Variants in COL24A1 observed in about 807,000 individuals in gnomAD.
The protein encoded by COL24A1 is collagen alpha-1(XXIV) chain.
A neutral mutation model predicts 253.9 loss-of-function variants in COL24A1; 224 were observed. The ratio of observed to expected loss-of-function variants is 0.88; its 90% confidence interval spans 0.79 to 0.99. The LOEUF is 0.99. Ranked by LOEUF, COL24A1 falls within the 50% of genes least tolerant of loss-of-function variation. The pLI is 0.00. For missense variants in COL24A1, 2,131 were observed against 2,068.5 expected (o/e 1.03, Z -0.59); for synonymous variants, 685 against 673.7 (o/e 1.02, Z -0.26).
intron 37 of COL24A1, among the ~76,000 whole-genome samples, chr1:85,860,578 A>G (rs996109834): frequency 3.2e-4 from 49 of 152,282 alleles, no homozygotes; most frequent in African/African-American, 1.1e-3. Flanking sequence ...CATCTCTACT[A>G]AAAATACAAA....
chr1:85,747,720 C>A (rs1471458012), intron 55 of COL24A1, among the ~76,000 whole-genome samples: 1 of 152,048 alleles, frequency 6.6e-6, no homozygotes, highest in East Asian at 1.9e-4. Flanking sequence ...GTATTTAAGT[C>A]GTGTTTTTCA....
intron 7 of COL24A1, among the ~76,000 whole-genome samples, chr1:86,083,155 AG>A (rs1375182154): frequency 6.6e-6 from 1 of 151,862 alleles, no homozygotes; most frequent in Admixed American, 6.6e-5. Context: ...AAAATTAGCC[AG>A]GGGTGGTGGC....
At chr1:85,830,162 G>T (rs1341258608) in intron 43 of COL24A1, among the ~76,000 whole-genome samples, 1 of 149,270 alleles carries the variant, frequency 6.7e-6, no homozygotes, top group Non-Finnish European at 1.5e-5. Context: ...TCAGCTGCAG[G>T]TCTGTTGGAG....
At chr1:85,937,851 C>G (rs1688370021) in intron 24 of COL24A1, among the ~76,000 whole-genome samples, 1 of 147,306 alleles carries the variant, frequency 6.8e-6, no homozygotes, top group Admixed American at 6.8e-5. Flanking sequence ...AAATGGGTGG[C>G]CTTCCCCACA....
intron 7 of COL24A1, among the ~76,000 whole-genome samples, chr1:86,084,088 C>T (rs146307447): frequency 6.6e-6 from 1 of 152,036 alleles, no homozygotes; most frequent in African/African-American, 2.4e-5. Flanking sequence ...ACAACAAAGG[C>T]CTATAACCAT....
At chr1:85,876,599 A>G (rs144826214) in intron 33 of COL24A1, among the ~76,000 whole-genome samples, 1 of 152,296 alleles carries the variant, frequency 6.6e-6, no homozygotes, top group East Asian at 1.9e-4. Context: ...AAGCCAAGGA[A>G]GTAAAAGGGC....
Position 85,730,311 on chromosome 1 carries a change from C to T in COL24A1, c.*235G>A. 1 of 337,706 alleles carries T rather than the reference C, an allele frequency of 3.0e-6. No homozygotes were observed. The highest frequency in any genetic ancestry group is 5.4e-6 in the Non-Finnish European group (1 of 186,574). The allele number at this position is 337,706 out of a possible 1,614,324, so 20.9% of individuals were successfully genotyped here. On this transcript the variant is annotated 3_prime_UTR_variant, in exon 60 of 60. Transcript: ENST00000370571. ...TAAATTTTTAGTTCTAGGGAATTCT[C>T]TAAGAAAGCTGAGATGAATATAATT... is the stretch of plus-strand genomic sequence containing the variant.
At chr1:86,017,353 C>T in intron 18 of COL24A1, 149 bp from the exon 19 acceptor site, 1 of 690,108 alleles carries the variant, frequency 1.4e-6, no homozygotes, top group Non-Finnish European at 2.3e-6. Flanking sequence ...AAATTTGTAA[C>T]CATCATTACT....
chr1:85,920,369 C>G (rs1205877814), intron 24 of COL24A1, among the ~76,000 whole-genome samples: 1 of 152,114 alleles, frequency 6.6e-6, no homozygotes, highest in Non-Finnish European at 1.5e-5. Context: ...AATGATAAAA[C>G]ATTTGCAAAC....
At chr1:86,133,038 A>AGCAGTG (rs1649540930) in intron 2 of COL24A1, among the ~76,000 whole-genome samples, 5 of 147,904 alleles carry the variant, frequency 3.4e-5, no homozygotes, top group Admixed American at 1.3e-4. Context: ...CTCTTATTTC[A>AGCAGTG]GTTTGTAGTT....
At chr1:85,780,448 A>G (rs775629561) in intron 52 of COL24A1, among the ~76,000 whole-genome samples, 1 of 152,086 alleles carries the variant, frequency 6.6e-6, no homozygotes, top group African/African-American at 2.4e-5. Flanking sequence ...CACTTGACCA[A>G]TCATTGTCTC....
chr1:86,146,512 T>C (rs752575310), intron 1 of COL24A1, among the ~76,000 whole-genome samples: 51 of 151,752 alleles, frequency 3.4e-4, no homozygotes, highest in Non-Finnish European at 4.3e-4. Flanking sequence ...ATTCAATAAA[T>C]ATGAACTAGT....
intron 10 of COL24A1, among the ~76,000 whole-genome samples, chr1:86,052,670 A>G (rs1700399536): frequency 6.6e-6 from 1 of 152,056 alleles, no homozygotes; most frequent in Non-Finnish European, 1.5e-5. Flanking sequence ...ATGGTTGTAC[A>G]ACAATTGGAT....
rs1168222156 is a variant in COL24A1 at position 85,985,344 on chromosome 1, G to A, written c.2364+2257C>T. On this transcript the variant is annotated intron_variant, in intron 20 of 59. Coordinates refer to ENST00000370571, the MANE Select transcript of COL24A1 (RefSeq NM_152890.7). The stretch of plus-strand genomic sequence containing the variant: ...CATGGTTTGGCACTCTAAATAGTTT[G>A]GCTGAAGTGATGCTTTTGGAAGAGT... Among the ~76,000 whole-genome samples the A allele has an allele frequency of 4.0e-5, 6 of 151,636 alleles. No homozygotes were observed. The East Asian group carries it at 9.7e-4, about 24-fold the overall frequency.
chr1:86,014,873 CCTT>C (rs1003663176), intron 19 of COL24A1, among the ~76,000 whole-genome samples: 2 of 152,102 alleles, frequency 1.3e-5, no homozygotes, highest in African/African-American at 2.4e-5. Flanking sequence ...CTCCTCCTTC[CCTT>C]CTTCTCTTTT....
intron 5 of COL24A1, among the ~76,000 whole-genome samples, chr1:86,103,657 T>A (rs1377047123): frequency 6.6e-6 from 1 of 152,232 alleles, no homozygotes; most frequent in East Asian, 1.9e-4. Flanking sequence ...TTTGGCTGGA[T>A]ACAAAATTCT....
At chr1:86,026,603 T>C (rs1698049473) in intron 14 of COL24A1, among the ~76,000 whole-genome samples, 1 of 152,224 alleles carries the variant, frequency 6.6e-6, no homozygotes, top group Non-Finnish European at 1.5e-5. Flanking sequence ...AATGCAGAAC[T>C]GTGAGTCAAT....
intron 37 of COL24A1, among the ~76,000 whole-genome samples, chr1:85,866,775 T>C (rs780738712): frequency 6.6e-6 from 1 of 151,774 alleles, no homozygotes; most frequent in South Asian, 2.1e-4. Flanking sequence ...CTCTATCTCA[T>C]AAATAAATAA....
intron 5 of COL24A1, among the ~76,000 whole-genome samples, chr1:86,102,955 T>C (rs2102059418): frequency 6.6e-6 from 1 of 152,338 alleles, no homozygotes; most frequent in Middle Eastern, 3.4e-3. Flanking sequence ...GCCTCAATGA[T>C]GTGTCTAATA....
Sources: allele counts gnomAD v4.1 joint callset (sites outside exome capture counted in the v4.1 genomes callset), GRCh38; gene constraint gnomAD v4.1.1; transcripts MANE v1.5; gene names NCBI Gene and HGNC (gene_info 2026-07-23, HGNC 2026-07-21).